The following OR51B5 variants were observed in gnomAD, a reference collection of about 807,000 sequenced individuals.
OR51B5 encodes the protein olfactory receptor 51B5.
For synonymous variants in OR51B5, 186 were observed against 144.8 expected (o/e 1.28, Z -2.04); for missense variants, 456 against 374.6 (o/e 1.22, Z -1.79).
chr11:5,351,585 C>G (rs1346526166), intron 1 of OR51B5: 1 of 1,614,098 alleles, frequency 6.2e-7, no homozygotes, highest in Admixed American at 1.7e-5. Context: ...ACTGGATATT[C>G]ATCCCATTAT....
At position 5,422,772 on chromosome 11, in the gene OR51B5, G is replaced by T. The variant is rs1326854633; in HGVS notation, n.85-75862C>A. Reference sequence around the variant, plus strand: ...CACCAGGATATGATCCGCCTGGTCTGTGCTGACATCAGGCTCAACAGCTGG... The same window carrying T: ...CACCAGGATATGATCCGCCTGGTCTTTGCTGACATCAGGCTCAACAGCTGG... On this transcript the variant is annotated intron_variant and non_coding_transcript_variant, in intron 1 of 4. Coordinates refer to the OR51B5 transcript ENST00000415970. 3.7e-6 allele frequency: 6 copies of T among 1,613,972 alleles called. No homozygotes were observed. In the African/African-American group the frequency reaches 6.7e-5, roughly 18 times the overall value.
intron 1 of OR51B5, among the ~76,000 whole-genome samples, chr11:5,414,436 T>C (rs1476650108): frequency 6.6e-6 from 1 of 151,032 alleles, no homozygotes; most frequent in East Asian, 1.9e-4. Context: ...ATAACAATAT[T>C]AACTTTAAAA....
chr11:5,411,851 G>T (rs184319460), intron 1 of OR51B5, among the ~76,000 whole-genome samples: 16 of 152,294 alleles, frequency 1.1e-4, no homozygotes, highest in African/African-American at 3.8e-4. Flanking sequence ...TTTGTAGAGA[G>T]AGAAATTGAC....
intron 1 of OR51B5, among the ~76,000 whole-genome samples, chr11:5,479,699 AG>A (rs1269388782): frequency 6.6e-6 from 1 of 150,552 alleles, no homozygotes; most frequent in Non-Finnish European, 1.5e-5. Context: ...AAAAAAAGGC[AG>A]GGGTTGCAAT....
intron 1 of OR51B5, among the ~76,000 whole-genome samples, chr11:5,368,569 T>C (rs185841297): frequency 2.0e-5 from 3 of 152,290 alleles, no homozygotes; most frequent in Admixed American, 6.5e-5. Context: ...TAAAAACCTT[T>C]AAAAAGCTCT....
intron 1 of OR51B5, chr11:5,351,914 A>G (rs1446225569): frequency 6.2e-7 from 1 of 1,613,210 alleles, no homozygotes; most frequent in East Asian, 2.2e-5. Context: ...ATCCTGACCA[A>G]CACCCAGGTA....
chr11:5,343,404 C>T (rs748373536), exon 1 of OR51B5: 1 of 1,613,244 alleles, frequency 6.2e-7, no homozygotes, highest in East Asian at 2.2e-5. Context: ...AGGAGGGTGC[C>T]ATTGCCAAAA....
chr11:5,416,138 A>C (rs1850240775), intron 1 of OR51B5, among the ~76,000 whole-genome samples: 1 of 150,180 alleles, frequency 6.7e-6, no homozygotes, highest in African/African-American at 2.4e-5. Context: ...AAATCAATAA[A>C]TGTAGTCCAG....
chr11:5,472,117 A>G (rs1851238094), intron 1 of OR51B5, among the ~76,000 whole-genome samples: 1 of 152,152 alleles, frequency 6.6e-6, no homozygotes, highest in Non-Finnish European at 1.5e-5. Context: ...GCTTCAGAAG[A>G]TGCACCTCTG....
intron 1 of OR51B5, among the ~76,000 whole-genome samples, chr11:5,494,026 G>A (rs917848102): frequency 2.6e-5 from 4 of 152,108 alleles, no homozygotes; most frequent in Non-Finnish European, 5.9e-5. Flanking sequence ...CCCAGCCAGC[G>A]GATACTTCAC....
At chr11:5,461,323 C>G (rs1392114537) in intron 1 of OR51B5, among the ~76,000 whole-genome samples, 2 of 152,202 alleles carry the variant, frequency 1.3e-5, no homozygotes, top group Non-Finnish European at 2.9e-5. Flanking sequence ...AAGGATCTAT[C>G]TGCAAAAGTG....
At chr11:5,453,173 T>G in intron 1 of OR51B5, 2 of 203,692 alleles carry the variant, frequency 9.8e-6, no homozygotes, top group Admixed American at 5.7e-5. Context: ...TATATGCAAG[T>G]TGTAGAAATG....
exon 1 of OR51B5, chr11:5,343,503 G>C: frequency 1.8e-6 from 2 of 1,122,160 alleles, no homozygotes; most frequent in Non-Finnish European, 2.7e-6. Flanking sequence ...AGGAAGGGAT[G>C]GGAGCTGCCG....
intron 1 of OR51B5, among the ~76,000 whole-genome samples, chr11:5,464,920 C>T (rs1851114009): frequency 6.6e-6 from 1 of 152,130 alleles, no homozygotes; most frequent in Non-Finnish European, 1.5e-5. Flanking sequence ...AAAAGTGTTC[C>T]TATTGGCTGG....
intron 1 of OR51B5, among the ~76,000 whole-genome samples, chr11:5,360,219 G>A (rs1017569765): frequency 5.3e-5 from 8 of 151,872 alleles, no homozygotes; most frequent in Admixed American, 5.2e-4. Flanking sequence ...CATACAGAAT[G>A]GGAGAAAATT....
intron 1 of OR51B5, among the ~76,000 whole-genome samples, chr11:5,393,630 T>C (rs1248138467): frequency 6.6e-6 from 1 of 152,142 alleles, no homozygotes; most frequent in Non-Finnish European, 1.5e-5. Flanking sequence ...ATGATCATGA[T>C]AAATGCTAAT....
intron 1 of OR51B5, among the ~76,000 whole-genome samples, chr11:5,418,050 A>C (rs1001779407): frequency 5.3e-5 from 8 of 149,794 alleles, no homozygotes; most frequent in African/African-American, 7.3e-5. Context: ...TGTGGCACAT[A>C]TACACCATGG....
chr11:5,383,067 T>C (rs1051241482), intron 1 of OR51B5, among the ~76,000 whole-genome samples: 1 of 151,962 alleles, frequency 6.6e-6, no homozygotes, highest in African/African-American at 2.4e-5. Flanking sequence ...TTCTGTAGCA[T>C]AGTCTGGGGA....
chr11:5,361,685 A>G (rs1299631609), intron 1 of OR51B5, among the ~76,000 whole-genome samples: 1 of 152,192 alleles, frequency 6.6e-6, no homozygotes. Context: ...CTTCTGAATA[A>G]TCTCTTTTGC....
Sources: gnomAD v4.1 joint callset for allele counts (sites outside exome capture counted in the v4.1 genomes callset) on GRCh38, gnomAD v4.1.1 for gene constraint, MANE v1.5 for transcripts, NCBI Gene and HGNC (gene_info 2026-07-23, HGNC 2026-07-21) for gene names.